Variants in RANBP17 observed in about 807,000 individuals in gnomAD.
The protein encoded by RANBP17 is ran-binding protein 17.
In RANBP17, 158 loss-of-function variants were observed where a neutral mutation model predicts 141.2. That is an observed-to-expected ratio of 1.12 (90% CI 0.98 to 1.28). The LOEUF (loss-of-function observed/expected upper bound fraction) is 1.28, where lower values mean the gene tolerates loss of function less well. Among genes scored for constraint, RANBP17 ranks in the 50% most tolerant of loss-of-function variants. The pLI is 0.00. For missense variants in RANBP17, 1,438 were observed against 1,290.7 expected (o/e 1.11, Z -1.75); for synonymous variants, 430 against 450.0 (o/e 0.96, Z 0.56).
intron 18 of RANBP17, among the ~76,000 whole-genome samples, chr5:171,184,763 C>T (rs1469262783): frequency 3.9e-5 from 6 of 152,140 alleles, no homozygotes. Context: ...AAGCAAGTCA[C>T]ACCGTTTTTG....
chr5:171,103,973 C>T (rs1334826212), intron 14 of RANBP17, among the ~76,000 whole-genome samples: 1 of 152,204 alleles, frequency 6.6e-6, no homozygotes, highest in Non-Finnish European at 1.5e-5. Flanking sequence ...CCAGGTACCT[C>T]AGCCGGAAAT....
chr5:171,248,998 A>C (rs1019893152), intron 24 of RANBP17, among the ~76,000 whole-genome samples: 1 of 152,192 alleles, frequency 6.6e-6, no homozygotes, highest in African/African-American at 2.4e-5. Context: ...CACAAGTGCC[A>C]GCCTATACTA....
chr5:171,171,207 G>A lies in RANBP17; in HGVS notation c.1786G>A (p.Val596Ile). ...HVLETFMTKI[V>I]TNLKYWGRYE... The stretch of plus-strand genomic sequence containing the variant: ...TTAAAGACTTTTTTTCATATTTAGT[G>A]TTACAAACCTTAAATACTGGGGAAG... The change falls in exon 16 of 28, where the codon GTT becomes ATT. Residue 596 changes from valine to isoleucine, a missense_variant and splice_region_variant. By Grantham distance (29) the Val-to-Ile change is conservative (BLOSUM62 3). Coordinates refer to ENST00000523189, the MANE Select transcript of RANBP17 (RefSeq NM_022897.5). The A allele has an allele frequency of 6.4e-7, 1 of 1,554,732 alleles. No individual in the cohort carries two copies. The highest frequency in any genetic ancestry group is 8.8e-7 in the Non-Finnish European group (1 of 1,137,232).
At chr5:171,207,244 T>C (rs1762632102) in intron 20 of RANBP17, 1 of 152,776 alleles carries the variant, frequency 6.5e-6, no homozygotes, top group Non-Finnish European at 1.5e-5. Context: ...ATGGTGATCT[T>C]GAAACCAGTC....
chr5:171,058,751 T>C (rs1159075322), intron 14 of RANBP17, among the ~76,000 whole-genome samples: 1 of 150,950 alleles, frequency 6.6e-6, no homozygotes, highest in Non-Finnish European at 1.5e-5. Flanking sequence ...ACTTGCACAA[T>C]GGTTGAACTA....
Position 171,238,858 on chromosome 5 carries a change from C to T in RANBP17, c.2423-2070C>T, listed in dbSNP as rs554482446. 3.3e-5 allele frequency among the ~76,000 whole-genome samples: 5 copies of T among 152,240 alleles called. No individual in the cohort carries two copies. The South Asian group carries it at 6.2e-4, about 19-fold the overall frequency. On this transcript the variant is annotated intron_variant, in intron 22 of 27. Coordinates refer to ENST00000523189, the MANE Select transcript of RANBP17 (RefSeq NM_022897.5). ...CTTAGCCTGTTCTGTGAAGCCTTTC[C>T]CCCTGCCCTCCTGCCAAAGGAAAGT...
intron 14 of RANBP17, among the ~76,000 whole-genome samples, chr5:171,075,267 T>TTTAGA (rs1784845906): frequency 6.6e-6 from 1 of 152,224 alleles, no homozygotes; most frequent in Non-Finnish European, 1.5e-5. Context: ...AGAGAAATTA[T>TTTAGA]TTTAGATGAT....
intron 22 of RANBP17, among the ~76,000 whole-genome samples, chr5:171,222,782 C>T (rs1256070350): frequency 6.6e-6 from 1 of 152,120 alleles, no homozygotes; most frequent in Non-Finnish European, 1.5e-5. Context: ...AGGCACGCCA[C>T]CACGCCTGGC....
At chr5:170,973,303 T>G (rs1483583519) in intron 14 of RANBP17, among the ~76,000 whole-genome samples, 1 of 152,216 alleles carries the variant, frequency 6.6e-6, no homozygotes, top group East Asian at 1.9e-4. Flanking sequence ...TGTGAAAATT[T>G]GGATTAAGAC....
chr5:171,281,862 C>T (rs1767882382), intron 25 of RANBP17, among the ~76,000 whole-genome samples: 1 of 152,162 alleles, frequency 6.6e-6, no homozygotes, highest in African/African-American at 2.4e-5. Flanking sequence ...GAGACTGCAC[C>T]TTAAGGGCAG....
intron 25 of RANBP17, among the ~76,000 whole-genome samples, chr5:171,269,006 CTAAG>C (rs1766924523): frequency 6.6e-6 from 1 of 152,106 alleles, no homozygotes; most frequent in Non-Finnish European, 1.5e-5. Flanking sequence ...TAGCATATGA[CTAAG>C]TAGTGATATA....
intron 14 of RANBP17, among the ~76,000 whole-genome samples, chr5:171,107,146 A>G (rs147779736): frequency 6.6e-6 from 1 of 152,282 alleles, no homozygotes; most frequent in East Asian, 1.9e-4. Flanking sequence ...TTTACAGGAG[A>G]AAAACAGAAG....
At chr5:171,067,779 G>A (rs1179431855) in intron 14 of RANBP17, among the ~76,000 whole-genome samples, 1 of 152,048 alleles carries the variant, frequency 6.6e-6, no homozygotes, top group Non-Finnish European at 1.5e-5. Flanking sequence ...ATCTTTGTAT[G>A]TGATAACTCA....
intron 12 of RANBP17, among the ~76,000 whole-genome samples, chr5:170,934,467 G>T (rs1773683544): frequency 3.3e-5 from 5 of 152,110 alleles, no homozygotes; most frequent in African/African-American, 1.2e-4. Context: ...GGTACCAGTT[G>T]TTCCTTTCCA....
At chr5:171,039,205 A>G (rs1328972093) in intron 14 of RANBP17, among the ~76,000 whole-genome samples, 1 of 148,152 alleles carries the variant, frequency 6.7e-6, no homozygotes, top group East Asian at 2.0e-4. Context: ...AGTGTGTAAG[A>G]GTTCCTTTTT....
At chr5:170,892,836 G>A (rs1403746018) in intron 4 of RANBP17, among the ~76,000 whole-genome samples, 2 of 152,056 alleles carry the variant, frequency 1.3e-5, no homozygotes, top group African/African-American at 4.8e-5. Context: ...TATAAAACAT[G>A]TATATAATGC....
chr5:170,867,860 T>TC (rs1178270139), intron 1 of RANBP17, among the ~76,000 whole-genome samples: 1 of 152,142 alleles, frequency 6.6e-6, no homozygotes, highest in African/African-American at 2.4e-5. Context: ...AACATATCCA[T>TC]CCCCCCAAAA....
rs901668772 is a variant in RANBP17, at chr5:171,153,529, G to A, written c.1711-16601G>A. 2.0e-5 allele frequency among the ~76,000 whole-genome samples: 3 copies of A among 152,246 alleles called. No individual in the cohort carries two copies. In the East Asian group the frequency reaches 5.8e-4, roughly 29 times the overall value. On this transcript the variant is annotated intron_variant, in intron 14 of 27. Coordinates refer to ENST00000523189, the MANE Select transcript of RANBP17 (RefSeq NM_022897.5). ...GGTAATCATTGTTCAATGTAATGAG[G>A]CCCATGACTGATATGCAGAATACTG...
intron 14 of RANBP17, among the ~76,000 whole-genome samples, chr5:171,060,179 T>C (rs1437621412): frequency 4.3e-5 from 4 of 92,398 alleles, no homozygotes; most frequent in African/African-American, 1.4e-4. Flanking sequence ...CTAATTGCCC[T>C]GGCCAGAACT....
Sources: gnomAD v4.1 joint callset for allele counts (sites outside exome capture counted in the v4.1 genomes callset) on GRCh38, gnomAD v4.1.1 for gene constraint, MANE v1.5 for transcripts, NCBI Gene and HGNC (gene_info 2026-07-23, HGNC 2026-07-21) for gene names.